EIF3B: variants seen among roughly 807,000 people sequenced by gnomAD.
EIF3B encodes eukaryotic translation initiation factor 3 subunit 9.
EIF3B carries 10 observed loss-of-function variants against 104.6 expected under a neutral mutation model. The ratio of observed to expected loss-of-function variants is 0.10; its 90% CI spans 0.06 to 0.16. The LOEUF is 0.16. Among genes scored for constraint, EIF3B ranks in the 10% least tolerant of loss-of-function variants. EIF3B has a pLI of 1.00. For missense variants in EIF3B, 1,014 were observed against 1,087.9 expected (o/e 0.93, Z 0.96); for synonymous variants, 542 against 417.2 (o/e 1.30, Z -3.65).
At chr7:2,372,004 A>C in intron 11 of EIF3B, 155 bp downstream of exon 11, 2 of 653,980 alleles carry the variant, frequency 3.1e-6, no homozygotes, top group Middle Eastern at 5.2e-4. Context: ...GAACGTGTTT[A>C]GAGCCTGGGC....
At position 2,354,920 on chromosome 7, in the gene EIF3B, C is replaced by T. The variant is rs752428772; in HGVS notation, c.-2C>T. ...GCCCTGCGAGTAGGCAGCGTTGGGC[C>T]CATGCAGGACGCGGAGAACGTGGCG... On this transcript the variant is annotated 5_prime_UTR_variant, in exon 1 of 19. Transcript: ENST00000360876. The T allele has an allele frequency of 1.6e-6, 2 of 1,228,308 alleles. No homozygotes were observed. Among genetic ancestry groups the T allele is most frequent in the African/African-American group, 1.6e-5 (1 of 62,358 alleles). The allele number at this position is 1,228,308 out of a possible 1,614,324, so 76.1% of individuals were successfully genotyped here.
At chr7:2,356,138 C>T (rs1366142252) in intron 1 of EIF3B, among the ~76,000 whole-genome samples, 3 of 152,002 alleles carry the variant, frequency 2.0e-5, no homozygotes, top group Non-Finnish European at 4.4e-5. Flanking sequence ...ATTTGTTTTT[C>T]TTTTGTTTTT....
rs961772962 is a variant in EIF3B at position 2,366,694 on chromosome 7, C to G, written c.1356+103C>G. 2.2e-6 allele frequency: 3 copies of G among 1,349,618 alleles called. No individual in the cohort carries two copies. The African/African-American group carries it at 4.3e-5, about 19-fold the overall frequency. The allele number at this position is 1,349,618 out of a possible 1,614,324, so 83.6% of individuals were successfully genotyped here. A position where few individuals can be genotyped will look rare whatever the true frequency, so the allele number is the denominator to read the frequency against. ...GCTAGAAGAGGAGGAGGAGGTTTCACAGATGCATAGGAAAGGCCTGTCTCC... is the reference window on the plus strand; with the variant it reads ...GCTAGAAGAGGAGGAGGAGGTTTCAGAGATGCATAGGAAAGGCCTGTCTCC... On this transcript the variant is annotated intron_variant, in intron 8 of 18. Transcript: ENST00000360876.
Position 2,366,642 on chromosome 7 carries a change from CG to C in EIF3B, c.1356+55del, listed in dbSNP as rs1375888525. ...GCCCCGTCCGGTCCTTGCTTGTAAC[CG>C]GGGTGTGGTGCCTTTCCTTATTTGT... On this transcript the variant is annotated intron_variant, in intron 8 of 18. Coordinates refer to ENST00000360876, the MANE Select transcript of EIF3B (RefSeq NM_001037283.2). 6 of 1,599,090 alleles carry C rather than the reference CG, an allele frequency of 3.8e-6. No homozygotes were observed. The Admixed American group carries it at 6.7e-5, about 18-fold the overall frequency.
In EIF3B at chr7:2,376,939, C is replaced by T. The variant is rs754763537; in HGVS notation, c.2029-11C>T. 3 of 1,612,358 alleles carry T rather than the reference C, an allele frequency of 1.9e-6. No homozygotes were observed. The highest frequency in any genetic ancestry group is 1.1e-5 in the South Asian group (1 of 90,920). Reference sequence around the variant, plus strand: ...CCCTCTGTGTCCTGGTGTGTCCCTGCCCTGGCCTAGGTGGACAACGCGTAC... The same window carrying T: ...CCCTCTGTGTCCTGGTGTGTCCCTGTCCTGGCCTAGGTGGACAACGCGTAC... On this transcript the variant is annotated splice_polypyrimidine_tract_variant and intron_variant, in intron 14 of 18. Transcript: ENST00000360876.
Position 2,363,137 on chromosome 7 carries a change from C to A in EIF3B, c.870+10C>A, listed in dbSNP as rs756769956. On this transcript the variant is annotated intron_variant, in intron 4 of 18. Transcript: ENST00000360876. ...GCCTTTCAAAGACCTGGTGAGTGGC[C>A]TGAAACCTACATCTCAGTGGTTTAA... 110 of 1,613,436 alleles carry A rather than the reference C, an allele frequency of 6.8e-5. 1 individual carries two copies. The highest frequency in any genetic ancestry group is 8.9e-5 in the Non-Finnish European group (105 of 1,179,700).
At chr7:2,372,038 C>T (rs1017088234) in intron 11 of EIF3B, 189 bp downstream of exon 11, 2 of 567,380 alleles carry the variant, frequency 3.5e-6, no homozygotes, top group Non-Finnish European at 6.4e-6. Context: ...CCTCTCTGTA[C>T]AAAAAACAAA....
chr7:2,364,214 A>G (rs1289075212), intron 5 of EIF3B, 158 bp from the exon 6 acceptor site: 15 of 646,296 alleles, frequency 2.3e-5, no homozygotes, highest in Non-Finnish European at 3.1e-5. Context: ...GTGAGCTGAG[A>G]TTGCGCCACT....
At chr7:2,374,813 A>G in intron 13 of EIF3B, 1 of 458,200 alleles carries the variant, frequency 2.2e-6, no homozygotes, top group East Asian at 3.2e-5. Context: ...GAGTGAAATA[A>G]GCGCTCCCAG....
chr7:2,374,254 G>A (rs1583176936), intron 12 of EIF3B: 2 of 348,234 alleles, frequency 5.7e-6, no homozygotes, highest in East Asian at 4.8e-5. Context: ...AACATTTGCT[G>A]TAAAGGGAAT....
At position 2,379,524 on chromosome 7, in the gene EIF3B, AG is replaced by A. The variant is rs1328365547; in HGVS notation, c.*14+18del. The A allele has an allele frequency of 6.6e-7, 1 of 1,515,836 alleles. No homozygotes were observed. The highest frequency in any genetic ancestry group is 9.0e-7 in the Non-Finnish European group (1 of 1,113,294). 93.9% of individuals were successfully genotyped at this position (1,515,836 alleles called of 1,614,324 possible). A position where few individuals can be genotyped will look rare whatever the true frequency, so the allele number is the denominator to read the frequency against. ...CTGGAGCACTGTGGTGAGCGTCTGC[AG>A]GGGGCGCGATGGGGGTCCTGTTGGC... On this transcript the variant is annotated intron_variant, in intron 18 of 18. Coordinates refer to ENST00000360876, the MANE Select transcript of EIF3B (RefSeq NM_001037283.2).
intron 9 of EIF3B, among the ~76,000 whole-genome samples, chr7:2,368,397 G>A (rs915734264): frequency 1.2e-4 from 19 of 152,114 alleles, no homozygotes; most frequent in Admixed American, 3.3e-4. Context: ...CCGCCTGCCC[G>A]CCTCAGCCTC....
At chr7:2,369,934 G>A (rs1432164071) in intron 10 of EIF3B, among the ~76,000 whole-genome samples, 1 of 151,588 alleles carries the variant, frequency 6.6e-6, no homozygotes, top group Non-Finnish European at 1.5e-5. Context: ...CCACCACCAC[G>A]CTTGGCTAAT....
chr7:2,355,526 A>G, intron 1 of EIF3B, 106 bp downstream of exon 1: 2 of 1,367,630 alleles, frequency 1.5e-6, no homozygotes, highest in Non-Finnish European at 1.9e-6. Flanking sequence ...CAGAAGTTCC[A>G]GCGAGGGTGT....
Position 2,355,064 on chromosome 7 carries a change from C to G in EIF3B, c.143C>G (p.Thr48Ser). 2 of 1,243,936 alleles carry G rather than the reference C, an allele frequency of 1.6e-6. No homozygotes were observed. Among genetic ancestry groups the G allele is most frequent in the South Asian group, 6.2e-5 (2 of 32,520 alleles). 77.1% of individuals were successfully genotyped at this position (1,243,936 alleles called of 1,614,324 possible). A position where few individuals can be genotyped will look rare whatever the true frequency, so the allele number is the denominator to read the frequency against. The change falls in exon 1 of 19, where the codon ACC (threonine) becomes AGC (serine). Residue 48 changes from threonine (T) to serine (S), a missense_variant. Thr to Ser is a moderately conservative substitution (Grantham distance 58). Coordinates refer to ENST00000360876, the MANE Select transcript of EIF3B (RefSeq NM_001037283.2). Reference sequence around the variant, plus strand: ...CCCGGCGCTCCGGAGGCCGCGGGGACCGAGGCCTCCAGTGAGGAGGTGGGG... The same window carrying G: ...CCCGGCGCTCCGGAGGCCGCGGGGAGCGAGGCCTCCAGTGAGGAGGTGGGG... ...AGPGAPEAAGTEASSEEVGIA... is the reference protein window; with the variant it reads ...AGPGAPEAAGSEASSEEVGIA...
At chr7:2,379,036 A>T in intron 16 of EIF3B, 98 bp from the exon 17 acceptor site, 1 of 1,010,856 alleles carries the variant, frequency 9.9e-7, no homozygotes, top group Non-Finnish European at 1.5e-6. Flanking sequence ...GTGCCTCTGT[A>T]TGCTGTCCTT....
chr7:2,362,621 T>A lies in EIF3B; in HGVS notation c.693-24T>A, dbSNP rs766652294. The A allele has an allele frequency of 2.2e-5, 36 of 1,613,892 alleles. No individual in the cohort carries two copies. The East Asian group carries it at 7.8e-4, about 35-fold the overall frequency. ...TGCCTAGCCTTACAGTGTGGGTATG[T>A]GCCAACGGCCCTCTCTCACTCAGGT... On this transcript the variant is annotated intron_variant, in intron 2 of 18. Coordinates refer to ENST00000360876, the MANE Select transcript of EIF3B (RefSeq NM_001037283.2).
Position 2,366,262 on chromosome 7 carries a change from A to T in EIF3B, c.1158-55A>T. The T allele has an allele frequency of 3.3e-6, 5 of 1,522,018 alleles. No individual in the cohort carries two copies. The South Asian group carries it at 6.5e-5, about 20-fold the overall frequency. 94.3% of individuals were successfully genotyped at this position (1,522,018 alleles called of 1,614,324 possible). On this transcript the variant is annotated intron_variant, in intron 6 of 18. Transcript: ENST00000360876. ...CGGCGTGTTCTGGCCGCACAGACAG[A>T]CTGTGATCCTCTCGTGAGAGGAGGA... is the stretch of plus-strand genomic sequence containing the variant.
At chr7:2,369,802 G>T (rs1375162297) in intron 10 of EIF3B, 120 bp downstream of exon 10, 8 of 780,796 alleles carry the variant, frequency 1.0e-5, no homozygotes, top group Non-Finnish European at 9.5e-6. Flanking sequence ...TTTTGAGATG[G>T]AGTCTCACTC....
Sources: gnomAD v4.1 joint callset for allele counts (sites outside exome capture counted in the v4.1 genomes callset) on GRCh38, gnomAD v4.1.1 for gene constraint, MANE v1.5 for transcripts, NCBI Gene and HGNC (gene_info 2026-07-23, HGNC 2026-07-21) for gene names.